Variants in SHANK2 observed in about 807,000 individuals in gnomAD.
SHANK2 encodes SH3 and multiple ankyrin repeat domains protein 2.
In SHANK2, 43 loss-of-function variants were observed where a neutral mutation model predicts 133.7. The ratio of observed to expected loss-of-function variants is 0.32; its 90% CI spans 0.25 to 0.41. The LOEUF (loss-of-function observed/expected upper bound fraction) is 0.41, where lower values mean the gene tolerates loss of function less well. SHANK2 is among the 10% of genes least tolerant of loss of function. SHANK2 has a pLI of 1.00. For synonymous variants in SHANK2, 1,017 were observed against 952.8 expected (o/e 1.07, Z -1.24); for missense variants, 1,994 against 2,235.8 (o/e 0.89, Z 2.18).
intron 2 of SHANK2, among the ~76,000 whole-genome samples, chr11:71,198,539 A>C (rs1953956044): frequency 6.6e-6 from 1 of 152,144 alleles, no homozygotes; most frequent in African/African-American, 2.4e-5. Context: ...TGTCAGGAAC[A>C]TCCCACTACC....
intron 10 of SHANK2, among the ~76,000 whole-genome samples, chr11:70,954,160 C>T (rs1555087242): frequency 1.3e-5 from 2 of 152,226 alleles, no homozygotes; most frequent in African/African-American, 4.8e-5. Context: ...CGTGGATTTC[C>T]ACAAAACAGG....
intron 11 of SHANK2, among the ~76,000 whole-genome samples, chr11:70,895,051 C>T (rs1233277539): frequency 5.9e-5 from 9 of 152,232 alleles, no homozygotes; most frequent in Non-Finnish European, 1.3e-4. Flanking sequence ...GCAGCCCTGG[C>T]AGAACCCTGG....
intron 9 of SHANK2, among the ~76,000 whole-genome samples, chr11:71,066,846 G>A (rs1951069346): frequency 6.6e-6 from 1 of 152,180 alleles, no homozygotes; most frequent in East Asian, 1.9e-4. Context: ...GAAGAGCTGT[G>A]CCTGTAAGTA....
chr11:70,831,513 C>T (rs1948724889), intron 11 of SHANK2, among the ~76,000 whole-genome samples: 2 of 152,192 alleles, frequency 1.3e-5, no homozygotes, highest in Admixed American at 6.5e-5. Flanking sequence ...TGCCTCCCTC[C>T]CTGCAGCCCC....
intron 14 of SHANK2, among the ~76,000 whole-genome samples, chr11:70,702,897 G>T (rs539254489): frequency 1.6e-4 from 25 of 152,354 alleles, no homozygotes; most frequent in African/African-American, 5.8e-4. Flanking sequence ...AAAGGATGAT[G>T]ATAGTAACAG....
At chr11:70,546,534 G>C (rs782589404) in intron 17 of SHANK2, among the ~76,000 whole-genome samples, 1 of 152,122 alleles carries the variant, frequency 6.6e-6, no homozygotes, top group Non-Finnish European at 1.5e-5. Flanking sequence ...TCAAGTTGTC[G>C]AGAGTCCAGA....
chr11:70,710,996 AAGAG>A (rs143491886), intron 14 of SHANK2, among the ~76,000 whole-genome samples: 46 of 151,822 alleles, frequency 3.0e-4, no homozygotes, highest in Non-Finnish European at 6.3e-4. Flanking sequence ...GAGATTGAAA[AAGAG>A]AGAGAGAGAG....
intron 17 of SHANK2, among the ~76,000 whole-genome samples, chr11:70,658,387 T>C (rs563823844): frequency 2.6e-5 from 4 of 152,130 alleles, no homozygotes; most frequent in South Asian, 2.1e-4. Flanking sequence ...TGCATTTCCA[T>C]GAAGGTTACA....
chr11:70,929,400 T>G (rs1774455469), intron 10 of SHANK2, among the ~76,000 whole-genome samples: 2 of 152,228 alleles, frequency 1.3e-5, no homozygotes, highest in Admixed American at 6.5e-5. Flanking sequence ...GCAATGTGAA[T>G]GTATGCTCTT....
rs935220208 is a variant in SHANK2, at chr11:71,065,328, G to A, written c.1030-8770C>T. On this transcript the variant is annotated intron_variant, in intron 9 of 25. Transcript: ENST00000601538. The stretch of plus-strand genomic sequence containing the variant: ...GTGTGCAGAACTCTCCCAGGGAGAT[G>A]AGCAGTGAGTGGGGAAGTTGTGGGG... Among the ~76,000 whole-genome samples, 1,404 of 148,502 alleles carry A rather than the reference G, an allele frequency of 9.5e-3. 18 individuals carry two copies. Among genetic ancestry groups the A allele is most frequent in the African/African-American group, 0.03 (1,200 of 40,122 alleles).
At chr11:70,862,256 G>A (rs1041993688) in intron 11 of SHANK2, among the ~76,000 whole-genome samples, 4 of 152,318 alleles carry the variant, frequency 2.6e-5, no homozygotes, top group Non-Finnish European at 4.4e-5. Flanking sequence ...GCGATTAAGT[G>A]TCTCAGGGGG....
intron 14 of SHANK2, among the ~76,000 whole-genome samples, chr11:70,715,080 C>T (rs1945879835): frequency 6.6e-6 from 1 of 152,168 alleles, no homozygotes; most frequent in East Asian, 1.9e-4. Context: ...ACTGGGATTA[C>T]AGGCATGAGG....
chr11:71,080,834 G>T (rs2136002271), intron 8 of SHANK2, among the ~76,000 whole-genome samples: 1 of 152,296 alleles, frequency 6.6e-6, no homozygotes, highest in South Asian at 2.1e-4. Context: ...TCAAAGGCTG[G>T]CTGTGGTCTT....
chr11:71,094,035 G>T (rs540877202), intron 7 of SHANK2, among the ~76,000 whole-genome samples: 47 of 152,190 alleles, frequency 3.1e-4, no homozygotes, highest in African/African-American at 1.1e-3. Context: ...AGGCTCCCAC[G>T]GACCCGCCAC....
intron 17 of SHANK2, among the ~76,000 whole-genome samples, chr11:70,587,750 G>C (rs2060273543): frequency 6.9e-6 from 1 of 145,450 alleles, no homozygotes; most frequent in Non-Finnish European, 1.5e-5. Context: ...TGTCACCCAG[G>C]CTGGAGTACA....
chr11:70,904,789 T>C (rs782078631), intron 10 of SHANK2, among the ~76,000 whole-genome samples: 1 of 152,158 alleles, frequency 6.6e-6, no homozygotes, highest in African/African-American at 2.4e-5. Flanking sequence ...AGTACAGGCA[T>C]GAGCCATCGT....
intron 12 of SHANK2, among the ~76,000 whole-genome samples, chr11:70,815,377 A>G (rs1948371101): frequency 6.6e-6 from 1 of 152,086 alleles, no homozygotes; most frequent in South Asian, 2.1e-4. Flanking sequence ...TCTCAGAGGG[A>G]CAGCCCTGCC....
intron 14 of SHANK2, among the ~76,000 whole-genome samples, chr11:70,721,176 G>A (rs1005538427): frequency 2.0e-5 from 3 of 152,190 alleles, no homozygotes; most frequent in South Asian, 2.1e-4. Context: ...TCCCTGGCAC[G>A]CTCTGCTGCT....
chr11:70,487,655 T>C lies in SHANK2; in HGVS notation c.2638A>G (p.Met880Val). 6.3e-7 allele frequency: 1 copy of C among 1,595,534 alleles called. No homozygotes were observed. The change falls in exon 25 of 26, where the codon ATG (methionine) becomes GTG (valine). Residue 880 changes from methionine (M) to valine (V), a missense_variant. By Grantham distance (21) the Met-to-Val change is conservative (BLOSUM62 1). Coordinates refer to ENST00000601538, the MANE Select transcript of SHANK2 (RefSeq NM_012309.5). The surrounding 1 kb of genome is among the most constrained non-coding windows in gnomAD (Gnocchi z 5.8). The part of the protein sequence containing the change: ...PMLKFTRSLS[M>V]PDTSEDIPPP... ...GGGATGTCCTCAGAGGTGTCCGGCATGGACAGGCTTCTGGTGAACTTCAGC... is the reference window on the plus strand; with the variant it reads ...GGGATGTCCTCAGAGGTGTCCGGCACGGACAGGCTTCTGGTGAACTTCAGC...
Sources: allele counts gnomAD v4.1 joint callset (sites outside exome capture counted in the v4.1 genomes callset), GRCh38; gene constraint gnomAD v4.1.1; non-coding constraint Gnocchi (gnomAD v3.1); transcripts MANE v1.5; gene names NCBI Gene and HGNC (gene_info 2026-07-23, HGNC 2026-07-21).